Variants in SNX16 observed in about 807,000 individuals in gnomAD.
SNX16 encodes sorting nexin-16.
In SNX16, 35 loss-of-function variants were observed where a neutral mutation model predicts 36.7. That is an observed-to-expected ratio of 0.95 (90% CI 0.73 to 1.27). The LOEUF (loss-of-function observed/expected upper bound fraction) is 1.27. SNX16 is among the 50% of genes most tolerant of loss of function. The pLI is 0.00. For synonymous variants in SNX16, 134 were observed against 132.0 expected (o/e 1.02, Z -0.10); for missense variants, 367 against 393.6 (o/e 0.93, Z 0.57).
intron 4 of SNX16, among the ~76,000 whole-genome samples, chr8:81,820,852 A>G (rs953452467): frequency 3.3e-5 from 5 of 151,656 alleles, no homozygotes; most frequent in Non-Finnish European, 7.4e-5. Context: ...CCTCTTTTAT[A>G]CCCTTTAACA....
chr8:81,801,597 CAAAAAA>C lies in SNX16; in HGVS notation c.939-10_939-5del. 51 of 1,052,590 alleles carry C rather than the reference CAAAAAA, an allele frequency of 4.8e-5. No individual in the cohort carries two copies. Among genetic ancestry groups the C allele is most frequent in the Middle Eastern group, 5.7e-4 (2 of 3,492 alleles). The allele number at this position is 1,052,590 out of a possible 1,614,324, so 65.2% of individuals were successfully genotyped here. A position where few individuals can be genotyped will look rare whatever the true frequency, so the allele number is the denominator to read the frequency against. On this transcript the variant is annotated splice_region_variant and splice_polypyrimidine_tract_variant and intron_variant, in intron 7 of 7. Transcript: ENST00000345957. ...TAAGCATGGTTTATTATCAGCTCTG[CAAAAAA>C]AAAAAAAAAAGGAACATATCAATGA...
At chr8:81,833,742 T>C (rs1563454242) in intron 2 of SNX16, among the ~76,000 whole-genome samples, 1 of 152,216 alleles carries the variant, frequency 6.6e-6, no homozygotes, top group Non-Finnish European at 1.5e-5. Context: ...TCTAGCAAGA[T>C]AAAATACGAC....
intron 1 of SNX16, chr8:81,841,773 G>A (rs1586032392): frequency 6.6e-6 from 1 of 152,348 alleles, no homozygotes; most frequent in East Asian, 1.9e-4. Context: ...GCCCGACTCT[G>A]AGCAACCCCG....
intron 3 of SNX16, among the ~76,000 whole-genome samples, chr8:81,826,233 G>A (rs1276712299): frequency 1.3e-5 from 2 of 152,100 alleles, no homozygotes; most frequent in East Asian, 3.9e-4. Context: ...AGAGAGCAGC[G>A]TGACTCAAGA....
At chr8:81,805,894 C>T (rs1008795619) in intron 5 of SNX16, among the ~76,000 whole-genome samples, 1 of 151,920 alleles carries the variant, frequency 6.6e-6, no homozygotes, top group East Asian at 1.9e-4. Flanking sequence ...GCACTCCAGC[C>T]TGGGCCACAG....
chr8:81,805,472 A>C (rs1032468012), intron 5 of SNX16, among the ~76,000 whole-genome samples: 1 of 152,204 alleles, frequency 6.6e-6, no homozygotes, highest in Admixed American at 6.5e-5. Context: ...AAAAGAATTT[A>C]ATCAAGAGAA....
intron 5 of SNX16, among the ~76,000 whole-genome samples, chr8:81,804,358 T>C (rs1220117750): frequency 6.6e-6 from 1 of 151,908 alleles, no homozygotes; most frequent in Non-Finnish European, 1.5e-5. Flanking sequence ...GACAAAGACT[T>C]AGGTAAATCA....
rs1412591922 is a variant in SNX16, at chr8:81,801,541, C to T, written c.991G>A (p.Glu331Lys). The change falls in exon 8 of 8, where the codon GAG becomes AAG. Residue 331 changes from glutamate (E) to lysine (K), a missense_variant. By Grantham distance (56) the Glu-to-Lys change is moderately conservative. Transcript: ENST00000345957. ...TATGCCACTTCTGCTACTTCTATCT[C>T]TGATACAGCATTTTCAGGTTCACTA... ...SFSEPENAVS[E>K]IEVAEVAYDA... 1 of 1,592,872 alleles carries T rather than the reference C, an allele frequency of 6.3e-7. No homozygotes were observed. The highest frequency in any genetic ancestry group is 8.5e-7 in the Non-Finnish European group (1 of 1,175,116).
At chr8:81,817,812 C>G (rs767710941) in intron 4 of SNX16, among the ~76,000 whole-genome samples, 2 of 152,082 alleles carry the variant, frequency 1.3e-5, no homozygotes, top group Non-Finnish European at 2.9e-5. Context: ...AAACCCTCAC[C>G]CTTGCTTGAG....
intron 4 of SNX16, among the ~76,000 whole-genome samples, chr8:81,819,689 A>C (rs927337045): frequency 1.3e-5 from 2 of 152,004 alleles, no homozygotes; most frequent in Admixed American, 6.6e-5. Context: ...GTAAGCTCTA[A>C]ATAAATATTT....
rs1811150160 is a variant in SNX16 at position 81,829,370 on chromosome 8, A to G, written c.462+60T>C. 5 of 679,758 alleles carry G rather than the reference A, an allele frequency of 7.4e-6. No homozygotes were observed. The South Asian group carries it at 1.0e-4, about 14-fold the overall frequency. 42.1% of individuals were successfully genotyped at this position (679,758 alleles called of 1,614,324 possible). A position where few individuals can be genotyped will look rare whatever the true frequency, so the allele number is the denominator to read the frequency against. ...AACAAAGAAAAAATATAACAGAAGT[A>G]TAGGAAACAGAAAAGAATTCAAAAC... On this transcript the variant is annotated intron_variant, in intron 3 of 7. Transcript: ENST00000345957.
chr8:81,804,093 A>C (rs1030090638), intron 5 of SNX16, among the ~76,000 whole-genome samples: 1 of 152,002 alleles, frequency 6.6e-6, no homozygotes, highest in African/African-American at 2.4e-5. Flanking sequence ...TAGATGTCAT[A>C]AAACAGTCTA....
chr8:81,812,125 C>G (rs760034530), intron 5 of SNX16, among the ~76,000 whole-genome samples: 3 of 151,610 alleles, frequency 2.0e-5, no homozygotes, highest in African/African-American at 4.8e-5. Context: ...ATCTGAAGAT[C>G]AGAGAAAAAA....
At chr8:81,822,962 A>ATATATGTATATG (rs1810833560) in intron 4 of SNX16, among the ~76,000 whole-genome samples, 2 of 111,178 alleles carry the variant, frequency 1.8e-5, no homozygotes, top group African/African-American at 6.9e-5. Context: ...ATATATATAT[A>ATATATGTATATG]TATATATATA....
intron 3 of SNX16, among the ~76,000 whole-genome samples, chr8:81,826,060 A>G (rs1811005163): frequency 6.6e-6 from 1 of 152,106 alleles, no homozygotes; most frequent in South Asian, 2.1e-4. Flanking sequence ...ACAGAAAAGA[A>G]GGAGTTGTCC....
rs1396099710 is a variant in SNX16, at chr8:81,799,639, TA to T, written c.*1857del. On this transcript the variant is annotated 3_prime_UTR_variant, in exon 8 of 8. Transcript: ENST00000345957. ...ATAATACTGGGAGTAAAATGCATTATAAAAGTAAAAAAAAGTAAATTATAAA... is the reference window on the plus strand; with the variant it reads ...ATAATACTGGGAGTAAAATGCATTATAAAGTAAAAAAAAGTAAATTATAAA... 6.6e-6 allele frequency: 1 copy of T among 151,892 alleles called. No homozygotes were observed. Among genetic ancestry groups the T allele is most frequent in the Admixed American group, 6.6e-5 (1 of 15,264 alleles). The allele number at this position is 151,892 out of a possible 1,614,324, so 9.4% of individuals were successfully genotyped here. A position where few individuals can be genotyped will look rare whatever the true frequency, so the allele number is the denominator to read the frequency against.
chr8:81,829,716 A>G lies in SNX16; in HGVS notation c.376-200T>C, dbSNP rs531796359. Among the ~76,000 whole-genome samples the G allele has an allele frequency of 2.0e-5, 3 of 152,248 alleles. No homozygotes were observed. In the East Asian group the frequency reaches 5.8e-4, roughly 29 times the overall value. ...CCAAAAGCCAGATTTTTTCCTTAGGAAATATAACAGATTTGAGACAAAACG... is the reference window on the plus strand; with the variant it reads ...CCAAAAGCCAGATTTTTTCCTTAGGGAATATAACAGATTTGAGACAAAACG... On this transcript the variant is annotated intron_variant, in intron 2 of 7. Coordinates refer to ENST00000345957, the MANE Select transcript of SNX16 (RefSeq NM_152836.3).
chr8:81,815,293 T>G (rs1378611511), intron 5 of SNX16, 32 bp downstream of exon 5: 2 of 1,533,242 alleles, frequency 1.3e-6, no homozygotes, highest in Non-Finnish European at 1.8e-6. Flanking sequence ...TAATTGTTCC[T>G]CTTTTCATGT....
At chr8:81,820,310 A>G (rs1271309381) in intron 4 of SNX16, among the ~76,000 whole-genome samples, 3 of 152,066 alleles carry the variant, frequency 2.0e-5, no homozygotes, top group Non-Finnish European at 2.9e-5. Flanking sequence ...GATACAATCA[A>G]GCTTTTGTCT....
Sources: gnomAD v4.1 joint callset for allele counts (sites outside exome capture counted in the v4.1 genomes callset) on GRCh38, gnomAD v4.1.1 for gene constraint, MANE v1.5 for transcripts, NCBI Gene and HGNC (gene_info 2026-07-23, HGNC 2026-07-21) for gene names.